The following FAM83G variants were observed in gnomAD, a reference collection of about 807,000 sequenced individuals.
FAM83G encodes the protein scaffolding CK1 anchoring protein G.
FAM83G carries 38 observed loss-of-function variants against 61.5 expected under a neutral mutation model. The observed-to-expected ratio is 0.62, with a 90% CI of 0.48 to 0.81. The LOEUF (loss-of-function observed/expected upper bound fraction) is 0.81. Among genes scored for constraint, FAM83G ranks in the 30% least tolerant of loss-of-function variants. The probability of loss-of-function intolerance (pLI) is 0.00; values close to 1 mark genes in which losing one functional copy is unlikely to be tolerated. For missense variants in FAM83G, 989 were observed against 1,133.6 expected (o/e 0.87, Z 1.83); for synonymous variants, 470 against 476.1 (o/e 0.99, Z 0.17).
rs1302712284 is a variant in FAM83G at position 18,971,094 on chromosome 17, C to T, written c.*265G>A. 6.2e-7 allele frequency: 1 copy of T among 1,614,012 alleles called. No homozygotes were observed. The highest frequency in any genetic ancestry group is 8.5e-7 in the Non-Finnish European group (1 of 1,180,046). On this transcript the variant is annotated 3_prime_UTR_variant, in exon 6 of 6. Coordinates refer to ENST00000388995, the MANE Select transcript of FAM83G (RefSeq NM_001039999.3). This position sits in a 1 kb window ranked among gnomAD's most constrained non-coding sequence, Gnocchi z 5.5. ...CCCTCCAGGACCATTGCCAACACCA[C>T]CTGCCACCTGCCACGTACAGACGCC...
intron 4 of FAM83G, 34 bp from the exon 5 acceptor site, chr17:18,978,884 A>G: frequency 1.2e-6 from 2 of 1,604,356 alleles, no homozygotes; most frequent in Non-Finnish European, 1.7e-6. Flanking sequence ...GGTCAGGCAC[A>G]TGACCCTGCT....
chr17:18,975,111 C>T (rs1404464929), intron 5 of FAM83G, among the ~76,000 whole-genome samples: 2 of 152,178 alleles, frequency 1.3e-5, no homozygotes, highest in Non-Finnish European at 2.9e-5. Flanking sequence ...AAAAGACATT[C>T]AGGGTCTTAG....
chr17:18,988,500 G>A, intron 2 of FAM83G, 86 bp from the exon 3 acceptor site: 2 of 1,567,548 alleles, frequency 1.3e-6, no homozygotes, highest in East Asian at 2.3e-5. Flanking sequence ...GCCCTCCCAT[G>A]CCACCAGCCT....
chr17:18,971,308 T>C lies in FAM83G; in HGVS notation c.*51A>G, dbSNP rs1317367810. 5.6e-6 allele frequency: 9 copies of C among 1,608,126 alleles called. No individual in the cohort carries two copies. The highest frequency in any genetic ancestry group is 1.1e-5 in the South Asian group (1 of 90,778). On this transcript the variant is annotated 3_prime_UTR_variant, in exon 6 of 6. Transcript: ENST00000388995. This position sits in a 1 kb window ranked among gnomAD's most constrained non-coding sequence, Gnocchi z 5.5. Reference sequence around the variant, plus strand: ...GGCGGCCTGTCTGCCCTCCGCGTCATGAGTCTGGGCTGGGGCCTCAGAAGG... The same window carrying C: ...GGCGGCCTGTCTGCCCTCCGCGTCACGAGTCTGGGCTGGGGCCTCAGAAGG...
At chr17:18,990,169 G>A (rs528529837) in intron 2 of FAM83G, among the ~76,000 whole-genome samples, 69 of 152,316 alleles carry the variant, frequency 4.5e-4, no homozygotes, top group African/African-American at 1.7e-3. Flanking sequence ...CCCCAGGGCT[G>A]CCCAAGGTTA....
At chr17:18,990,621 A>G (rs2043394017) in intron 2 of FAM83G, among the ~76,000 whole-genome samples, 1 of 152,222 alleles carries the variant, frequency 6.6e-6, no homozygotes, top group Non-Finnish European at 1.5e-5. Context: ...TCAGCCAGGC[A>G]GGGTGCCTGA....
At position 18,971,772 on chromosome 17, in the gene FAM83G, G is replaced by A; in HGVS notation, c.2083-24C>T. The A allele has an allele frequency of 6.5e-7, 1 of 1,533,992 alleles. No individual in the cohort carries two copies. The highest frequency in any genetic ancestry group is 8.8e-7 in the Non-Finnish European group (1 of 1,139,760). On this transcript the variant is annotated intron_variant, in intron 5 of 5. Transcript: ENST00000388995. The surrounding 1 kb of genome is among the most constrained non-coding windows in gnomAD (Gnocchi z 5.5). Reference sequence around the variant, plus strand: ...CCCTGGGAGAGAGAGAGCAGAGAGTGAGGCTGAGCAAGAAGGGCCAACCCC... The same window carrying A: ...CCCTGGGAGAGAGAGAGCAGAGAGTAAGGCTGAGCAAGAAGGGCCAACCCC...
intron 2 of FAM83G, among the ~76,000 whole-genome samples, chr17:18,998,337 G>A (rs2043620245): frequency 6.6e-6 from 1 of 152,262 alleles, no homozygotes; most frequent in African/African-American, 2.4e-5. Flanking sequence ...CGAGGGTCCT[G>A]CAGCATGCAA....
rs918302555 is a variant in FAM83G at position 18,978,983 on chromosome 17, G to C, written c.816-133C>G. On this transcript the variant is annotated intron_variant, in intron 4 of 5. Transcript: ENST00000388995. Reference sequence around the variant, plus strand: ...GGATCAAGAAGTGAATGGGGGCAGAGAGCAGGTGCATACTGTGGGGTCAGA... The same window carrying C: ...GGATCAAGAAGTGAATGGGGGCAGACAGCAGGTGCATACTGTGGGGTCAGA... 52 of 1,007,884 alleles carry C rather than the reference G, an allele frequency of 5.2e-5. No homozygotes were observed. The South Asian group carries it at 8.0e-4, about 15-fold the overall frequency. The allele number at this position is 1,007,884 out of a possible 1,614,324, so 62.4% of individuals were successfully genotyped here.
Position 18,979,617 on chromosome 17 carries a change from C to G in FAM83G, c.747G>C (p.Lys249Asn), listed in dbSNP as rs757147716. The change falls in exon 4 of 6, where the codon AAG (lysine) becomes AAC (asparagine). Residue 249 changes from lysine to asparagine, a missense_variant. Transcript: ENST00000388995. ...GTEFFTRSAT[K>N]FKGALAQKFM... ...ACTTCTGGGCCAGGGCACCCTTGAA[C>G]TTGGTTGCCGACCGCGTGAAGAACT... 1.2e-6 allele frequency: 2 copies of G among 1,613,442 alleles called. No homozygotes were observed. Among genetic ancestry groups the G allele is most frequent in the Non-Finnish European group, 1.7e-6 (2 of 1,180,008 alleles).
Position 19,003,787 on chromosome 17 carries a change from G to T in FAM83G, c.255C>A (p.Gly85=), listed in dbSNP as rs1416502819. The T allele has an allele frequency of 4.3e-6, 7 of 1,611,266 alleles. No homozygotes were observed. The South Asian group carries it at 7.7e-5, about 18-fold the overall frequency. The part of the protein sequence containing the change: ...DPGSEDPRGT[G]PSQGPEDNGV... ...CATTGTCCTCGGGCCCCTGAGAGGG[G>T]CCCGTGCCCCGAGGGTCCTCAGAGC... is the stretch of plus-strand genomic sequence containing the variant. The change falls in exon 2 of 6, where the codon GGC becomes GGA. Residue 85 remains glycine, a synonymous_variant. Transcript: ENST00000388995. The surrounding 1 kb of genome is among the most constrained non-coding windows in gnomAD (Gnocchi z 4.5).
chr17:18,976,936 T>G, intron 5 of FAM83G: 1 of 1,613,228 alleles, frequency 6.2e-7, no homozygotes, highest in Non-Finnish European at 8.5e-7. Context: ...CTCAAGATGC[T>G]CCCCATGGGC....
At chr17:19,002,287 C>T (rs556995995) in intron 2 of FAM83G, among the ~76,000 whole-genome samples, 1 of 152,366 alleles carries the variant, frequency 6.6e-6, no homozygotes, top group Non-Finnish European at 1.5e-5. Context: ...GCAGCCAGGC[C>T]AGGGGCCAGG....
intron 3 of FAM83G, among the ~76,000 whole-genome samples, chr17:18,985,222 C>T (rs573309806): frequency 6.6e-5 from 10 of 152,322 alleles, no homozygotes; most frequent in African/African-American, 1.9e-4. Context: ...ACCGCACAAA[C>T]GGCCTCCTTC....
chr17:19,003,571 C>A lies in FAM83G; in HGVS notation c.471G>T (p.Gly157=). ...ASVYMQPPID[G]QAHIKEVVRK... ...GCACCACCTCTTTGATGTGGGCCTG[C>A]CCGTCTATGGGGGGCTGCATGTAGA... Residue 157 remains glycine, a synonymous_variant, in exon 2 of 6, where the codon GGG becomes GGT. Transcript: ENST00000388995. The surrounding 1 kb of genome is among the most constrained non-coding windows in gnomAD (Gnocchi z 4.5). 6.3e-7 allele frequency: 1 copy of A among 1,583,932 alleles called. No individual in the cohort carries two copies. The highest frequency in any genetic ancestry group is 1.4e-5 in the African/African-American group (1 of 73,876).
intron 2 of FAM83G, 137 bp from the exon 3 acceptor site, chr17:18,988,551 G>A: frequency 7.1e-7 from 1 of 1,412,074 alleles, no homozygotes. Context: ...GGAGCCTCAG[G>A]CCCGGGACCA....
intron 3 of FAM83G, among the ~76,000 whole-genome samples, chr17:18,986,632 G>C (rs2043276649): frequency 6.6e-6 from 1 of 152,236 alleles, no homozygotes; most frequent in South Asian, 2.1e-4. Flanking sequence ...GAGCAGCCAG[G>C]GCTTCTCTGC....
intron 5 of FAM83G, among the ~76,000 whole-genome samples, chr17:18,972,659 G>A (rs1384626543): frequency 2.6e-5 from 4 of 152,044 alleles, no homozygotes; most frequent in Non-Finnish European, 5.9e-5. Flanking sequence ...TCAGGAGATC[G>A]AGACCATCCT....
chr17:18,973,885 T>G (rs1321623341), intron 5 of FAM83G, among the ~76,000 whole-genome samples: 222 of 25,522 alleles, frequency 8.7e-3, no homozygotes, highest in African/African-American at 0.027. Flanking sequence ...TTTTTTTAAG[T>G]TTTTTTTTTT....
Sources: gnomAD v4.1 joint callset for allele counts (sites outside exome capture counted in the v4.1 genomes callset) on GRCh38, gnomAD v4.1.1 for gene constraint, Gnocchi (gnomAD v3.1) non-coding constraint, MANE v1.5 for transcripts, NCBI Gene and HGNC (gene_info 2026-07-23, HGNC 2026-07-21) for gene names.